The following ABCA2 variants were observed in gnomAD, a reference collection of about 807,000 sequenced individuals.
ABCA2 encodes the protein ATP-binding cassette sub-family A member 2.
ABCA2 carries 84 observed loss-of-function variants against 262.8 expected under a neutral mutation model. The ratio of observed to expected loss-of-function variants is 0.32; its 90% CI spans 0.27 to 0.38. The LOEUF (loss-of-function observed/expected upper bound fraction) is 0.38, where lower values mean the gene tolerates loss of function less well. ABCA2 is among the 10% of genes least tolerant of loss of function. The pLI, the probability that ABCA2 is intolerant of heterozygous loss-of-function variation, is 1.00. For missense variants in ABCA2, 2,662 were observed against 3,405.9 expected, an observed-to-expected ratio of 0.78 and a Z score of 5.44; for synonymous variants, 1,696 against 1,502.9, an observed-to-expected ratio of 1.13 and a Z score of -2.97.
At position 137,007,655 on chromosome 9, in the gene ABCA2, GA is replaced by G; in HGVS notation, c.*273del. ...GCGGTGAGCAGTGCCAGGCAGGGGC[GA>G]GGGGCCGGGCAGACCCCGAGGCTTT... On this transcript the variant is annotated 3_prime_UTR_variant, in exon 49 of 49. Coordinates refer to ENST00000341511, the MANE Select transcript of ABCA2 (RefSeq NM_001606.5). 1.8e-6 allele frequency: 1 copy of G among 549,672 alleles called. No homozygotes were observed. Among genetic ancestry groups the G allele is most frequent in the East Asian group, 3.2e-5 (1 of 31,188 alleles). 34.0% of individuals were successfully genotyped at this position (549,672 alleles called of 1,614,324 possible). A position where few individuals can be genotyped will look rare whatever the true frequency, so the allele number is the denominator to read the frequency against.
chr9:137,023,458 A>G (rs771808512), intron 3 of ABCA2: 2 of 718,040 alleles, frequency 2.8e-6, no homozygotes, highest in Non-Finnish European at 5.2e-6. Context: ...TGGTTAGCAG[A>G]GTGAGTGCAA....
chr9:137,021,011 G>C lies in ABCA2; in HGVS notation c.948C>G (p.Pro316=). The stretch of plus-strand genomic sequence containing the variant: ...CCAGAAGCGCCTGCAGCCTCCGTGG[G>C]GGTGGCGCCTGTGGCGAGGAGTCCG... The part of the protein sequence containing the change: ...NGSDSSPQAP[P]PRRLQALLGD... Residue 316 remains proline (P), a synonymous_variant, in exon 9 of 49, where the codon CCC becomes CCG. Transcript: ENST00000341511. This position sits in a 1 kb window ranked among gnomAD's most constrained non-coding sequence, Gnocchi z 6.0. 1 of 1,494,098 alleles carries C rather than the reference G, an allele frequency of 6.7e-7. No homozygotes were observed. The highest frequency in any genetic ancestry group is 8.9e-7 in the Non-Finnish European group (1 of 1,120,986). The allele number at this position is 1,494,098 out of a possible 1,614,324, so 92.6% of individuals were successfully genotyped here. A position where few individuals can be genotyped will look rare whatever the true frequency, so the allele number is the denominator to read the frequency against.
chr9:137,010,491 AC>A, intron 40 of ABCA2, 120 bp from the exon 41 acceptor site: 1 of 833,320 alleles, frequency 1.2e-6, no homozygotes, highest in African/African-American at 4.5e-5. Context: ...CCACAGCCCC[AC>A]CCCATGCAGG....
chr9:137,022,439 T>C lies in ABCA2; in HGVS notation c.479A>G (p.Gln160Arg), dbSNP rs1831503958. Reference protein sequence around the residue: ...FSLDSVARNPQELWRFLTQNL... With the variant: ...FSLDSVARNPRELWRFLTQNL... ...TTGCGTCAGGAAACGCCAGAGCTCC[T>C]GCGGGTTTCTGGCCACCGAGTCCAG... The change falls in exon 6 of 49, where the codon CAG becomes CGG. Residue 160 changes from glutamine (Q) to arginine (R), a missense_variant. Physicochemically the swap from Gln to Arg is conservative, Grantham distance 43. Around this residue, in one of 12 missense-constraint regions of ABCA2, gnomAD observed 403 missense variants for 375.9 expected, o/e 1.07. Coordinates refer to ENST00000341511, the MANE Select transcript of ABCA2 (RefSeq NM_001606.5). 1.2e-6 allele frequency: 2 copies of C among 1,611,886 alleles called. No individual in the cohort carries two copies. The highest frequency in any genetic ancestry group is 1.7e-6 in the Non-Finnish European group (2 of 1,179,718).
At position 137,019,754 on chromosome 9, in the gene ABCA2, C is replaced by T. The variant is rs899926689; in HGVS notation, c.1426-448G>A. 2.0e-5 allele frequency: 4 copies of T among 201,432 alleles called. No individual in the cohort carries two copies. The highest frequency in any genetic ancestry group is 1.1e-4 in the Admixed American group (2 of 18,670). The allele number at this position is 201,432 out of a possible 1,614,324, so 12.5% of individuals were successfully genotyped here. A position where few individuals can be genotyped will look rare whatever the true frequency, so the allele number is the denominator to read the frequency against. ...CCTTTCTGCGGCGCTCAGGTGAAAC[C>T]TGCTTTGCCCTCCACTCCCAGGGCA... On this transcript the variant is annotated intron_variant, in intron 10 of 48. Transcript: ENST00000341511. This position sits in a 1 kb window ranked among gnomAD's most constrained non-coding sequence, Gnocchi z 4.4.
chr9:137,019,101 C>T lies in ABCA2; in HGVS notation c.1555-31G>A, dbSNP rs1296858344. The T allele has an allele frequency of 5.6e-6, 9 of 1,602,334 alleles. No homozygotes were observed. The highest frequency in any genetic ancestry group is 7.7e-6 in the Non-Finnish European group (9 of 1,172,956). On this transcript the variant is annotated intron_variant, in intron 11 of 48. Transcript: ENST00000341511. This position sits in a 1 kb window ranked among gnomAD's most constrained non-coding sequence, Gnocchi z 4.4. Reference sequence around the variant, plus strand: ...GGTGGAGGGGCGGCTCAGAGGGGGACCTGCGCCTGCCGAGCCGGGCAGAGA... The same window carrying T: ...GGTGGAGGGGCGGCTCAGAGGGGGATCTGCGCCTGCCGAGCCGGGCAGAGA...
intron 41 of ABCA2, 21 bp from the exon 42 acceptor site, chr9:137,010,145 A>G: frequency 1.9e-6 from 3 of 1,591,852 alleles, no homozygotes; most frequent in African/African-American, 1.3e-5. Context: ...GGCAGCTGTC[A>G]GCGCGTGAGG....
In ABCA2 at chr9:137,011,482, G is replaced by T. The variant is rs1463024338; in HGVS notation, c.5724C>A (p.Leu1908=). The change falls in exon 37 of 49, where the codon CTC becomes CTA. Residue 1908 remains leucine (L), a synonymous_variant. Coordinates refer to ENST00000341511, the MANE Select transcript of ABCA2 (RefSeq NM_001606.5). This position sits in a 1 kb window ranked among gnomAD's most constrained non-coding sequence, Gnocchi z 8.8. ...TGCCGATGAAGAGATTGATGACAATGAGGAACACGTAGGCGGAGCTGGGGA... is the reference window on the plus strand; with the variant it reads ...TGCCGATGAAGAGATTGATGACAATTAGGAACACGTAGGCGGAGCTGGGGA... ...FEVPSSAYVF[L]IVINLFIGIT... 9 of 1,609,210 alleles carry T rather than the reference G, an allele frequency of 5.6e-6. No individual in the cohort carries two copies. Among genetic ancestry groups the T allele is most frequent in the South Asian group, 5.5e-5 (5 of 90,488 alleles).
intron 3 of ABCA2, 42 bp from the exon 4 acceptor site, chr9:137,023,094 G>GGA (rs143669673): frequency 8.3e-5 from 118 of 1,422,434 alleles, no homozygotes; most frequent in South Asian, 1.4e-4. Flanking sequence ...GGGTGAAAGG[G>GGA]GAGAGAGAGA....
At position 137,015,843 on chromosome 9, in the gene ABCA2, T is replaced by C; in HGVS notation, c.3346A>G (p.Lys1116Glu). The C allele has an allele frequency of 1.2e-6, 2 of 1,610,824 alleles. No individual in the cohort carries two copies. Among genetic ancestry groups the C allele is most frequent in the South Asian group, 2.2e-5 (2 of 91,036 alleles). ...KMIEDLELSN[K>E]RHSLVQTLSG... is the part of the protein sequence containing the mutation. ...AATGTCTGCACCAGTGAGTGCCGTT[T>C]GTTGGAGAGCTCCAGGTCCTCGATC... The change falls in exon 23 of 49, where the codon AAA (lysine) becomes GAA (glutamate). Residue 1116 changes from lysine to glutamate, a missense_variant. Physicochemically the swap from Lys to Glu is moderately conservative, Grantham distance 56. Transcript: ENST00000341511.
Position 137,013,953 on chromosome 9 carries a change from C to A in ABCA2, c.4326G>T (p.Gly1442=). 6.2e-7 allele frequency: 1 copy of A among 1,612,188 alleles called. No homozygotes were observed. The highest frequency in any genetic ancestry group is 8.5e-7 in the Non-Finnish European group (1 of 1,179,866). ...CGCAGTGGAAGCGTTTGACCAGCAG[C>A]CCGTGGAACTGGCGCACCTTCAGCC... ...GGWLKVRQFH[G]LLVKRFHCAR... is the part of the protein sequence containing the mutation. Residue 1442 remains glycine, a synonymous_variant, in exon 28 of 49, where the codon GGG becomes GGT. Transcript: ENST00000341511.
Position 137,007,719 on chromosome 9 carries a change from G to A in ABCA2, c.*210C>T, listed in dbSNP as rs908721775. On this transcript the variant is annotated 3_prime_UTR_variant, in exon 49 of 49. Coordinates refer to ENST00000341511, the MANE Select transcript of ABCA2 (RefSeq NM_001606.5). ...GGCAAGGGTGTACGCAGCCCGGGCC[G>A]GGTCAGCCTTTGGCACAATTAGGGG... 8.9e-5 allele frequency: 60 copies of A among 673,582 alleles called. No homozygotes were observed. Among genetic ancestry groups the A allele is most frequent in the African/African-American group, 1.4e-4 (8 of 55,816 alleles). The allele number at this position is 673,582 out of a possible 1,614,324, so 41.7% of individuals were successfully genotyped here.
chr9:137,020,050 C>CGTA, intron 10 of ABCA2: 1 of 452,474 alleles, frequency 2.2e-6, no homozygotes, highest in Non-Finnish European at 4.0e-6. Flanking sequence ...TGGAAGGTCT[C>CGTA]TGGACACACC....
chr9:137,023,227 C>T, intron 3 of ABCA2, 175 bp from the exon 4 acceptor site: 1 of 639,052 alleles, frequency 1.6e-6, no homozygotes, highest in South Asian at 1.8e-5. Flanking sequence ...GGCTACAGGC[C>T]AAGCGTTCTG....
upstream of ABCA2, chr9:137,028,616 C>T: frequency 9.3e-7 from 1 of 1,079,902 alleles, no homozygotes; most frequent in Non-Finnish European, 1.2e-6. The surrounding 1 kb of genome is among the most constrained non-coding windows in gnomAD (Gnocchi z 6.9). Flanking sequence ...TTCACTGTCC[C>T]CGGGGCGCGC....
rs1831091488 is a variant in ABCA2 at position 137,012,465 on chromosome 9, A to G, written c.5187+20T>C. 5 of 1,610,584 alleles carry G rather than the reference A, an allele frequency of 3.1e-6. No homozygotes were observed. In the East Asian group the frequency reaches 8.9e-5, roughly 29 times the overall value. On this transcript the variant is annotated intron_variant, in intron 32 of 48. Transcript: ENST00000341511. Reference sequence around the variant, plus strand: ...GGCGGCGCTACACACAGCGGGGCCCAGGCCCGCAGCCTCGCTCACCTGGGC... The same window carrying G: ...GGCGGCGCTACACACAGCGGGGCCCGGGCCCGCAGCCTCGCTCACCTGGGC...
rs371772911 is a variant in ABCA2, at chr9:137,014,192, C to T, written c.4216G>A (p.Asp1406Asn). The T allele has an allele frequency of 3.5e-5, 56 of 1,608,788 alleles. No individual in the cohort carries two copies. Among genetic ancestry groups the T allele is most frequent in the Non-Finnish European group, 4.6e-5 (54 of 1,178,118 alleles). ...CCTTGCAGGCTGACATTGTCTGGGT[C>T]CTGTGGGTTATCAAAGAGGGGGCGG... ...DYRPLFDNPQ[D>N]PDNVSLQEVE... The change falls in exon 27 of 49, where the codon GAC becomes AAC. Residue 1406 changes from aspartate to asparagine, a missense_variant. Physicochemically the swap from Asp to Asn is conservative, Grantham distance 23 (BLOSUM62 1). Coordinates refer to ENST00000341511, the MANE Select transcript of ABCA2 (RefSeq NM_001606.5).
chr9:137,028,420 T>A, upstream of ABCA2: 2 of 382,140 alleles, frequency 5.2e-6, no homozygotes, highest in Non-Finnish European at 7.1e-6. The surrounding 1 kb of genome is among the most constrained non-coding windows in gnomAD (Gnocchi z 6.9). Context: ...CCCGAGACCC[T>A]GCGCGCGCCG....
intron 13 of ABCA2, 63 bp from the exon 14 acceptor site, chr9:137,018,414 G>A (rs1280874206): frequency 3.1e-5 from 6 of 195,796 alleles, no homozygotes; most frequent in African/African-American, 2.2e-4. Context: ...TGGTGGGGGG[G>A]AAAGCAAGGC....
Sources: allele counts gnomAD v4.1 joint callset, GRCh38; gene constraint gnomAD v4.1.1; regional missense constraint gnomAD v4.1.1; non-coding constraint Gnocchi (gnomAD v3.1); transcripts MANE v1.5; gene names NCBI Gene and HGNC (gene_info 2026-07-23, HGNC 2026-07-21).